Variants in SEPTIN7 observed in about 807,000 individuals in gnomAD.
The protein encoded by SEPTIN7 is septin 7.
In SEPTIN7, 10 loss-of-function variants were observed where a neutral mutation model predicts 63.3. The ratio of observed to expected loss-of-function variants is 0.16; its 90% confidence interval spans 0.10 to 0.27. The LOEUF (loss-of-function observed/expected upper bound fraction) is 0.27, where lower values mean the gene tolerates loss of function less well. SEPTIN7 is among the 10% of genes least tolerant of loss of function. SEPTIN7 has a pLI of 1.00. For synonymous variants in SEPTIN7, 131 were observed against 165.3 expected (o/e 0.79, Z 1.59); for missense variants, 310 against 521.0 (o/e 0.59, Z 3.94).
chr7:35,864,601 T>C (rs1342780180), intron 4 of SEPTIN7, among the ~76,000 whole-genome samples: 1 of 152,176 alleles, frequency 6.6e-6, no homozygotes, highest in East Asian at 1.9e-4. Context: ...GCAGTGATAA[T>C]ATTTTGGATG....
downstream of SEPTIN7, chr7:35,907,233 G>T (rs1436893272): frequency 3.3e-5 from 5 of 152,114 alleles, no homozygotes; most frequent in Non-Finnish European, 5.9e-5. Context: ...TGTCCTACTT[G>T]ATCTGAAAGG....
chr7:35,801,932 C>T (rs1407924651), intron 1 of SEPTIN7, among the ~76,000 whole-genome samples: 1 of 152,184 alleles, frequency 6.6e-6, no homozygotes, highest in Non-Finnish European at 1.5e-5. Flanking sequence ...CAGGCGCAGC[C>T]CGGAAGGCCG....
chr7:35,873,657 G>A lies in SEPTIN7; in HGVS notation c.394G>A (p.Asp132Asn), dbSNP rs775189882. The change falls in exon 6 of 14, where the codon GAC becomes AAC. Residue 132 changes from aspartate to asparagine, a missense_variant. Asp to Asn is a conservative substitution (Grantham distance 23, BLOSUM62 1). Around this residue, in one of 2 missense-constraint regions of SEPTIN7, gnomAD observed 255 missense variants for 490.5 expected, o/e 0.52. Transcript: ENST00000350320. ...DNSNCWQPVI[D>N]YIDSKFEDYL... ...GTTCTATAGCTGGCAGCCTGTTATC[G>A]ACTACATTGATAGTAAATTTGAGGA... 1.9e-6 allele frequency: 3 copies of A among 1,609,320 alleles called. No individual in the cohort carries two copies. The highest frequency in any genetic ancestry group is 2.3e-4 in the Middle Eastern group (1 of 4,424).
At chr7:35,871,040 T>C (rs1335273506) in intron 4 of SEPTIN7, among the ~76,000 whole-genome samples, 3 of 152,160 alleles carry the variant, frequency 2.0e-5, no homozygotes, top group Non-Finnish European at 4.4e-5. Context: ...TTACAACTGT[T>C]ATTGATGTTT....
chr7:35,830,987 G>A (rs1783807479), intron 1 of SEPTIN7, among the ~76,000 whole-genome samples: 4 of 152,092 alleles, frequency 2.6e-5, no homozygotes, highest in African/African-American at 9.7e-5. Flanking sequence ...CAAAACATTT[G>A]CATTTGTCTG....
intron 1 of SEPTIN7, among the ~76,000 whole-genome samples, chr7:35,806,711 C>T (rs1417562784): frequency 6.6e-6 from 1 of 152,180 alleles, no homozygotes; most frequent in Non-Finnish European, 1.5e-5. Context: ...CCCAGGTAAC[C>T]ACTGATAAGA....
intron 1 of SEPTIN7, among the ~76,000 whole-genome samples, chr7:35,826,734 AAG>A (rs1233425081): frequency 6.6e-6 from 1 of 152,120 alleles, no homozygotes; most frequent in African/African-American, 2.4e-5. Context: ...TGTTACTAAA[AAG>A]CATATTTAAT....
intron 6 of SEPTIN7, among the ~76,000 whole-genome samples, chr7:35,875,805 T>G (rs942474199): frequency 6.6e-6 from 1 of 152,188 alleles, no homozygotes; most frequent in Non-Finnish European, 1.5e-5. Context: ...AAAAAAAATT[T>G]GTCATTTGCC....
chr7:35,833,598 G>T (rs888093618), intron 3 of SEPTIN7, among the ~76,000 whole-genome samples: 49 of 151,954 alleles, frequency 3.2e-4, no homozygotes, highest in Admixed American at 1.9e-3. Flanking sequence ...TGACTATACA[G>T]TATTTTCACC....
chr7:35,899,530 G>C (rs1362441956), intron 12 of SEPTIN7: 1 of 152,082 alleles, frequency 6.6e-6, no homozygotes, highest in Admixed American at 6.6e-5. Flanking sequence ...TCAAGACTTT[G>C]CCTCAAAAAA....
chr7:35,854,966 C>T (rs1172696507), intron 3 of SEPTIN7, among the ~76,000 whole-genome samples: 4 of 151,994 alleles, frequency 2.6e-5, no homozygotes, highest in Non-Finnish European at 5.9e-5. Context: ...ATAAAATATA[C>T]ATTTTATTTT....
chr7:35,827,379 CAGTG>C (rs1175226875), intron 1 of SEPTIN7, among the ~76,000 whole-genome samples: 1 of 152,138 alleles, frequency 6.6e-6, no homozygotes, highest in Non-Finnish European at 1.5e-5. Context: ...GGAAAAGAAT[CAGTG>C]GGTGGTTAAG....
chr7:35,812,517 C>G (rs1321736488), intron 1 of SEPTIN7, among the ~76,000 whole-genome samples: 4 of 152,068 alleles, frequency 2.6e-5, no homozygotes, highest in Admixed American at 6.5e-5. Context: ...AGGGAAATGT[C>G]AAGGGAATGG....
intron 4 of SEPTIN7, among the ~76,000 whole-genome samples, chr7:35,868,862 A>G (rs1472355531): frequency 3.3e-5 from 5 of 152,188 alleles, no homozygotes; most frequent in Non-Finnish European, 7.3e-5. Context: ...ACACTGTACC[A>G]TGGAAGGTAC....
chr7:35,845,339 C>T (rs532976472), intron 3 of SEPTIN7, among the ~76,000 whole-genome samples: 1 of 151,486 alleles, frequency 6.6e-6, no homozygotes, highest in Non-Finnish European at 1.5e-5. Flanking sequence ...AGATCCAAAA[C>T]GAGGAATGAA....
chr7:35,820,736 A>G (rs957146865), intron 1 of SEPTIN7, among the ~76,000 whole-genome samples: 36 of 152,118 alleles, frequency 2.4e-4, no homozygotes, highest in Middle Eastern at 6.8e-3. Flanking sequence ...TCCCCTGTAC[A>G]TGGGCCATGC....
At chr7:35,848,159 A>G (rs73324330) in intron 3 of SEPTIN7, among the ~76,000 whole-genome samples, 5,236 of 152,230 alleles carry the variant, frequency 0.034, 325 homozygotes, top group African/African-American at 0.12. Flanking sequence ...AACTAGCTCT[A>G]TTTTCTTCCA....
chr7:35,827,343 A>T (rs1783568178), intron 1 of SEPTIN7, among the ~76,000 whole-genome samples: 1 of 152,176 alleles, frequency 6.6e-6, no homozygotes, highest in Admixed American at 6.5e-5. Context: ...GAGATATTTC[A>T]CACTGGCACT....
intron 3 of SEPTIN7, among the ~76,000 whole-genome samples, chr7:35,842,358 A>AC (rs1482433806): frequency 6.6e-6 from 1 of 151,826 alleles, no homozygotes; most frequent in East Asian, 1.9e-4. Context: ...GAAAAAAAAA[A>AC]AACCCTCATT....
Sources: gnomAD v4.1 joint callset for allele counts (sites outside exome capture counted in the v4.1 genomes callset) on GRCh38, gnomAD v4.1.1 for gene constraint, gnomAD v4.1.1 regional missense constraint, MANE v1.5 for transcripts, NCBI Gene and HGNC (gene_info 2026-07-23, HGNC 2026-07-21) for gene names.